PLD5: variants seen among roughly 807,000 people sequenced by gnomAD.
The protein encoded by PLD5 is inactive phospholipase D5.
PLD5 carries 36 observed loss-of-function variants against 61.1 expected under a neutral mutation model. That is an observed-to-expected ratio of 0.59 (90% CI 0.45 to 0.78). The LOEUF (loss-of-function observed/expected upper bound fraction) is 0.78, where lower values mean the gene tolerates loss of function less well. Ranked by LOEUF, PLD5 falls within the 30% of genes least tolerant of loss-of-function variation. The probability of loss-of-function intolerance (pLI) is 0.00; values close to 1 mark genes in which losing one functional copy is unlikely to be tolerated. For missense variants in PLD5, 515 were observed against 644.4 expected, an observed-to-expected ratio of 0.80 and a Z score of 2.17; for synonymous variants, 243 against 242.8, an observed-to-expected ratio of 1.00 and a Z score of -0.01.
At chr1:242,489,300 T>C (rs529931616) in intron 1 of PLD5, among the ~76,000 whole-genome samples, 3 of 152,048 alleles carry the variant, frequency 2.0e-5, no homozygotes, top group Admixed American at 1.3e-4. Context: ...GTTGGTAATA[T>C]GAATTATGAC....
intron 1 of PLD5, among the ~76,000 whole-genome samples, chr1:242,522,290 C>T (rs1021114288): frequency 8.5e-5 from 13 of 152,340 alleles, no homozygotes; most frequent in African/African-American, 2.6e-4. Flanking sequence ...TGCTCACACG[C>T]TTTCAAATAA....
chr1:242,205,125 C>T (rs757888628), intron 5 of PLD5, among the ~76,000 whole-genome samples: 1 of 152,126 alleles, frequency 6.6e-6, no homozygotes, highest in African/African-American at 2.4e-5. Context: ...ACTATCATGC[C>T]ATTTAGAACA....
In PLD5 at chr1:242,244,547, G is replaced by A. The variant is rs1267649302; in HGVS notation, c.607+20790C>T. On this transcript the variant is annotated intron_variant, in intron 4 of 9. Coordinates refer to ENST00000536534, the MANE Select transcript of PLD5 (RefSeq NM_001372062.1). Reference sequence around the variant, plus strand: ...GCTTTAAATGAGTGGATACAAATACGTCTCCTGCAGAGGCATGGGTTTAGA... The same window carrying A: ...GCTTTAAATGAGTGGATACAAATACATCTCCTGCAGAGGCATGGGTTTAGA... Among the ~76,000 whole-genome samples, 6 of 152,204 alleles carry A rather than the reference G, an allele frequency of 3.9e-5. 1 individual carries two copies. Among genetic ancestry groups the A allele is most frequent in the South Asian group, 4.1e-4 (2 of 4,830 alleles).
rs189755295 is a variant in PLD5, at chr1:242,248,124, T to G, written c.607+17213A>C. Among the ~76,000 whole-genome samples, 274 of 152,372 alleles carry G rather than the reference T, an allele frequency of 1.8e-3. 1 individual carries two copies. The highest frequency in any genetic ancestry group is 7.8e-4 in the Non-Finnish European group (53 of 68,040). ...TGGTTATATGGTTATTATGCAGTTA[T>G]TTTATATTTTGTTATATAGTTACTT... On this transcript the variant is annotated intron_variant, in intron 4 of 9. Transcript: ENST00000536534.
chr1:242,322,012 A>G (rs184041176), intron 2 of PLD5, among the ~76,000 whole-genome samples: 1 of 152,314 alleles, frequency 6.6e-6, no homozygotes, highest in African/African-American at 2.4e-5. Context: ...GCATTATGAA[A>G]GCCACAGGCA....
At position 242,089,059 on chromosome 1, in the gene PLD5, AGG is replaced by A. The variant is rs1231039969; in HGVS notation, c.*793_*794del. 2.6e-5 allele frequency: 9 copies of A among 347,804 alleles called. No individual in the cohort carries two copies. Among genetic ancestry groups the A allele is most frequent in the Non-Finnish European group, 3.6e-5 (7 of 194,706 alleles). The allele number at this position is 347,804 out of a possible 1,614,324, so 21.5% of individuals were successfully genotyped here. ...CATAATTTTTCTGAGCTTGAGAGAA[AGG>A]ATACATATTGCTGACTGTGATTTTT... is the stretch of plus-strand genomic sequence containing the variant. On this transcript the variant is annotated 3_prime_UTR_variant, in exon 10 of 10. Transcript: ENST00000536534.
chr1:242,089,450 G>T lies in PLD5; in HGVS notation c.*404C>A. ...TGGTTTTATCAGTCTCTTCTCCAAG[G>T]CAAAATCCTCACCTTCCTCTCTAAA... On this transcript the variant is annotated 3_prime_UTR_variant, in exon 10 of 10. Coordinates refer to ENST00000536534, the MANE Select transcript of PLD5 (RefSeq NM_001372062.1). The T allele has an allele frequency of 4.7e-6, 2 of 427,044 alleles. No individual in the cohort carries two copies. The highest frequency in any genetic ancestry group is 8.8e-5 in the South Asian group (1 of 11,336). The allele number at this position is 427,044 out of a possible 1,614,324, so 26.5% of individuals were successfully genotyped here.
intron 1 of PLD5, among the ~76,000 whole-genome samples, chr1:242,351,644 A>C (rs549504415): frequency 1.3e-5 from 2 of 152,262 alleles, no homozygotes; most frequent in Admixed American, 1.3e-4. Context: ...TAAATTACCC[A>C]GTCTCGGGTA....
intron 5 of PLD5, among the ~76,000 whole-genome samples, chr1:242,165,362 C>G (rs1666225216): frequency 6.6e-6 from 1 of 150,934 alleles, no homozygotes; most frequent in Non-Finnish European, 1.5e-5. Context: ...CTGTTCACAT[C>G]CTTAGTCTGA....
Position 242,165,507 on chromosome 1 carries a change from A to G in PLD5, c.736-40842T>C, listed in dbSNP as rs191349219. On this transcript the variant is annotated intron_variant, in intron 5 of 9. Transcript: ENST00000536534. ...GTGGGATGTAAAATATAGACTATGA[A>G]AAAAAGCATGTCTCAAACCTTCACA... is the stretch of plus-strand genomic sequence containing the variant. 7.9e-5 allele frequency among the ~76,000 whole-genome samples: 12 copies of G among 152,254 alleles called. No individual in the cohort carries two copies. The East Asian group carries it at 2.1e-3, about 27-fold the overall frequency.
intron 1 of PLD5, among the ~76,000 whole-genome samples, chr1:242,411,431 T>G (rs903294930): frequency 2.6e-5 from 4 of 152,060 alleles, no homozygotes; most frequent in Non-Finnish European, 5.9e-5. Context: ...GAGGCGGGGT[T>G]TCACCGTGTT....
At chr1:242,485,238 G>GAAT (rs1667916996) in intron 1 of PLD5, among the ~76,000 whole-genome samples, 1 of 152,116 alleles carries the variant, frequency 6.6e-6, no homozygotes, top group Non-Finnish European at 1.5e-5. Context: ...GAAATAAAGG[G>GAAT]TATTCAATTA....
chr1:242,453,596 G>A (rs1353501735), intron 1 of PLD5, among the ~76,000 whole-genome samples: 3 of 152,038 alleles, frequency 2.0e-5, no homozygotes, highest in Admixed American at 2.0e-4. Flanking sequence ...CTGCATTCAC[G>A]AAAAGTGTAC....
chr1:242,184,108 G>A (rs548009713), intron 5 of PLD5, among the ~76,000 whole-genome samples: 5 of 152,138 alleles, frequency 3.3e-5, no homozygotes, highest in South Asian at 2.1e-4. Context: ...CCTTGGAATC[G>A]ATTGCAAAGT....
At chr1:242,409,810 C>T (rs1342996968) in intron 1 of PLD5, among the ~76,000 whole-genome samples, 1 of 152,158 alleles carries the variant, frequency 6.6e-6, no homozygotes, top group Non-Finnish European at 1.5e-5. Context: ...TGATGTTCTA[C>T]ACACCTGGGG....
At chr1:242,323,507 TC>T (rs1223170748) in intron 2 of PLD5, among the ~76,000 whole-genome samples, 1 of 152,196 alleles carries the variant, frequency 6.6e-6, no homozygotes, top group African/African-American at 2.4e-5. Context: ...TGCAGGTTGT[TC>T]CACTGCCTTG....
intron 1 of PLD5, among the ~76,000 whole-genome samples, chr1:242,400,709 T>C (rs1663881964): frequency 6.6e-6 from 1 of 152,086 alleles, no homozygotes; most frequent in African/African-American, 2.4e-5. Context: ...AGTCCCGGGA[T>C]CTTTTCCCAC....
intron 5 of PLD5, among the ~76,000 whole-genome samples, chr1:242,189,084 G>A (rs1668078602): frequency 6.6e-6 from 1 of 152,176 alleles, no homozygotes; most frequent in South Asian, 2.1e-4. Context: ...AAAAGAGAAG[G>A]GAGCATAACT....
At chr1:242,392,541 G>GT (rs1352624073) in intron 1 of PLD5, among the ~76,000 whole-genome samples, 1 of 152,224 alleles carries the variant, frequency 6.6e-6, no homozygotes, top group Non-Finnish European at 1.5e-5. Context: ...TCTGTCTGCA[G>GT]TGAGAATCCG....
Sources: gnomAD v4.1 joint callset for allele counts (sites outside exome capture counted in the v4.1 genomes callset) on GRCh38, gnomAD v4.1.1 for gene constraint, MANE v1.5 for transcripts, NCBI Gene and HGNC (gene_info 2026-07-23, HGNC 2026-07-21) for gene names.